Variants in MED12L observed in about 807,000 individuals in gnomAD.
The protein encoded by MED12L is mediator of RNA polymerase II transcription subunit 12-like protein.
Under a neutral mutation model 281.3 loss-of-function variants are expected in MED12L, and 60 were observed. The observed-to-expected ratio is 0.21, with a 90% confidence interval of 0.17 to 0.26. The LOEUF is 0.26. Among genes scored for constraint, MED12L ranks in the 10% least tolerant of loss-of-function variants. MED12L has a pLI of 1.00. For synonymous variants in MED12L, 974 were observed against 987.2 expected (o/e 0.99, Z 0.25); for missense variants, 2,146 against 2,680.9 (o/e 0.80, Z 4.41).
At chr3:151,293,322 G>A (rs959040275) in intron 16 of MED12L, among the ~76,000 whole-genome samples, 2 of 152,118 alleles carry the variant, frequency 1.3e-5, no homozygotes, top group African/African-American at 2.4e-5. Context: ...TAACCATAAC[G>A]TCTTCTTTTA....
chr3:151,315,667 A>G (rs1016168714), intron 16 of MED12L, among the ~76,000 whole-genome samples: 2 of 152,232 alleles, frequency 1.3e-5, no homozygotes, highest in African/African-American at 4.8e-5. Flanking sequence ...ATTGGCAGAA[A>G]TAATAAATAT....
At chr3:151,286,683 A>AG (rs1292732765) in intron 16 of MED12L, among the ~76,000 whole-genome samples, 1 of 152,206 alleles carries the variant, frequency 6.6e-6, no homozygotes, top group East Asian at 1.9e-4. Flanking sequence ...ATCTTAACAT[A>AG]GACATATTTT....
intron 7 of MED12L, among the ~76,000 whole-genome samples, chr3:151,159,542 T>C (rs1357235694): frequency 1.3e-5 from 2 of 152,232 alleles, no homozygotes; most frequent in African/African-American, 4.8e-5. Flanking sequence ...GAAAAGTGTA[T>C]AATAGTAATA....
chr3:151,388,236 C>T (rs1713728161), intron 37 of MED12L, 64 bp downstream of exon 37: 1 of 1,510,448 alleles, frequency 6.6e-7, no homozygotes, highest in South Asian at 1.3e-5. Context: ...TACTCGTGCC[C>T]AAATCATATC....
intron 16 of MED12L, chr3:151,338,877 G>A (rs369252200): frequency 2.5e-6 from 4 of 1,605,150 alleles, no homozygotes; most frequent in African/African-American, 2.7e-5. Context: ...ACAAAAGAGA[G>A]GATGGTTATT....
chr3:151,194,122 C>G (rs868170022), intron 16 of MED12L, among the ~76,000 whole-genome samples: 4 of 151,918 alleles, frequency 2.6e-5, no homozygotes, highest in African/African-American at 7.3e-5. Flanking sequence ...CCTGCCACCA[C>G]GCCTGGCTAA....
rs999610071 is a variant in MED12L, at chr3:151,372,422, TTC to T, written c.3665-139_3665-138del. On this transcript the variant is annotated intron_variant, in intron 26 of 44. Transcript: ENST00000687756. ...TTCATGCATTTATGCTCTTGATCCA[TTC>T]TCTCTATTCCTGAACAACTGGCTAT... 7.0e-5 allele frequency: 44 copies of T among 627,656 alleles called. No homozygotes were observed. In the Admixed American group the frequency reaches 1.2e-3, roughly 17 times the overall value. 38.9% of individuals were successfully genotyped at this position (627,656 alleles called of 1,614,324 possible). A position where few individuals can be genotyped will look rare whatever the true frequency, so the allele number is the denominator to read the frequency against.
chr3:151,129,147 A>AG (rs1161174412), intron 5 of MED12L, among the ~76,000 whole-genome samples: 1 of 152,228 alleles, frequency 6.6e-6, no homozygotes, highest in Non-Finnish European at 1.5e-5. Flanking sequence ...ATCTCTGAGG[A>AG]GGAGGGACAG....
At chr3:151,232,589 A>G (rs902536244) in intron 16 of MED12L, among the ~76,000 whole-genome samples, 2 of 152,258 alleles carry the variant, frequency 1.3e-5, no homozygotes, top group Admixed American at 6.5e-5. Flanking sequence ...CATATATGCC[A>G]TGGAATACTA....
chr3:151,169,747 T>C lies in MED12L; in HGVS notation c.1494+3765T>C, dbSNP rs115504622. On this transcript the variant is annotated intron_variant, in intron 11 of 44. Transcript: ENST00000687756. Reference sequence around the variant, plus strand: ...GTTACGTGTGGTTAGGATTCAGAAATTGGTCTCACTTCTTTAAAATATACT... The same window carrying C: ...GTTACGTGTGGTTAGGATTCAGAAACTGGTCTCACTTCTTTAAAATATACT... Among the ~76,000 whole-genome samples the C allele has an allele frequency of 7.8e-3, 1,189 of 152,296 alleles. 17 individuals are homozygous for C. The highest frequency in any genetic ancestry group is 0.027 in the African/African-American group (1,112 of 41,550).
chr3:151,211,011 C>T (rs1221805198), intron 16 of MED12L, among the ~76,000 whole-genome samples: 3 of 152,198 alleles, frequency 2.0e-5, no homozygotes, highest in African/African-American at 7.2e-5. Flanking sequence ...CTGTTGCCCA[C>T]CTACACTAGT....
chr3:151,299,831 T>C (rs1745661952), intron 16 of MED12L, among the ~76,000 whole-genome samples: 1 of 152,118 alleles, frequency 6.6e-6, no homozygotes, highest in Non-Finnish European at 1.5e-5. Flanking sequence ...TACTTGTCAT[T>C]TTAGAGATGA....
chr3:151,294,245 C>T (rs1337738599), intron 16 of MED12L: 2 of 1,613,842 alleles, frequency 1.2e-6, no homozygotes, highest in Non-Finnish European at 1.7e-6. Context: ...GCTTTCACTC[C>T]TGGTTCTGAT....
chr3:151,294,644 A>T (rs1559993717), intron 16 of MED12L: 4 of 1,614,008 alleles, frequency 2.5e-6, no homozygotes, highest in Non-Finnish European at 3.4e-6. Context: ...ATGCCATTTG[A>T]CCCCCAAAGG....
chr3:151,326,701 G>T (rs183428748), intron 16 of MED12L: 15 of 152,314 alleles, frequency 9.8e-5, no homozygotes, highest in African/African-American at 3.6e-4. Context: ...AGAAAGGTAG[G>T]CAAGTTCTAG....
At chr3:151,215,366 A>G (rs944967449) in intron 16 of MED12L, among the ~76,000 whole-genome samples, 2 of 152,238 alleles carry the variant, frequency 1.3e-5, no homozygotes, top group Non-Finnish European at 2.9e-5. Flanking sequence ...GAATGAAAAA[A>G]TGTAAAATAT....
At chr3:151,380,597 CA>C (rs56792030) in intron 32 of MED12L, among the ~76,000 whole-genome samples, 8,359 of 113,122 alleles carry the variant, frequency 0.074, 258 homozygotes, top group East Asian at 0.12. Flanking sequence ...AACTCTGTCT[CA>C]AAAAAAAAAA....
At chr3:151,402,074 C>G (rs11709550) in intron 39 of MED12L, among the ~76,000 whole-genome samples, 56,903 of 151,966 alleles carry the variant, frequency 0.37, 11,131 homozygotes, top group Middle Eastern at 0.48. Flanking sequence ...CAAATGCAAT[C>G]AATTATGTAC....
At chr3:151,246,104 C>G (rs1351126669) in intron 16 of MED12L, among the ~76,000 whole-genome samples, 1 of 151,848 alleles carries the variant, frequency 6.6e-6, no homozygotes, top group African/African-American at 2.4e-5. Flanking sequence ...CAAACCACTG[C>G]TCAAGGAAAT....
Sources: gnomAD v4.1 joint callset for allele counts (sites outside exome capture counted in the v4.1 genomes callset) on GRCh38, gnomAD v4.1.1 for gene constraint, MANE v1.5 for transcripts, NCBI Gene and HGNC (gene_info 2026-07-23, HGNC 2026-07-21) for gene names.